RPA1: variants seen among roughly 807,000 people sequenced by gnomAD.
RPA1 encodes replication protein A1.
Under a neutral mutation model 83.0 loss-of-function variants are expected in RPA1, and 49 were observed. The observed-to-expected ratio is 0.59, with a 90% CI of 0.47 to 0.75. The LOEUF (loss-of-function observed/expected upper bound fraction) is 0.75, where lower values mean the gene tolerates loss of function less well. RPA1 is among the 30% of genes least tolerant of loss of function. RPA1 has a pLI of 0.00. For synonymous variants in RPA1, 279 were observed against 281.8 expected, an observed-to-expected ratio of 0.99 and a Z score of 0.10; for missense variants, 693 against 776.1, an observed-to-expected ratio of 0.89 and a Z score of 1.27.
intron 5 of RPA1, among the ~76,000 whole-genome samples, chr17:1,867,703 C>G (rs911716803): frequency 2.6e-5 from 4 of 151,222 alleles, no homozygotes; most frequent in Non-Finnish European, 4.4e-5. Flanking sequence ...AGATCAAGAC[C>G]CTGTCTCAAA....
At chr17:1,861,172 C>T (rs544097550) in intron 5 of RPA1, among the ~76,000 whole-genome samples, 14 of 152,322 alleles carry the variant, frequency 9.2e-5, no homozygotes, top group African/African-American at 3.4e-4. Flanking sequence ...CCCAGGAAAC[C>T]TGCCACCCAT....
rs774102699 is a variant in RPA1 at position 1,842,866 on chromosome 17, G to A, written c.84+13G>A. The A allele has an allele frequency of 6.2e-6, 10 of 1,612,724 alleles. No homozygotes were observed. Among genetic ancestry groups the A allele is most frequent in the South Asian group, 1.1e-5 (1 of 91,046 alleles). On this transcript the variant is annotated intron_variant, in intron 2 of 16. Coordinates refer to ENST00000254719, the MANE Select transcript of RPA1 (RefSeq NM_002945.5). Reference sequence around the variant, plus strand: ...CCTCCAAGTCATCGTAAGTACCTGCGTATGTTATGTTCCATGTCAACTTCT... The same window carrying A: ...CCTCCAAGTCATCGTAAGTACCTGCATATGTTATGTTCCATGTCAACTTCT...
chr17:1,849,362 G>T (rs1177006406), intron 4 of RPA1, among the ~76,000 whole-genome samples: 2 of 138,766 alleles, frequency 1.4e-5, no homozygotes, highest in African/African-American at 5.6e-5. Context: ...GTGCGATCTC[G>T]GCTCACTGCA....
intron 1 of RPA1, among the ~76,000 whole-genome samples, chr17:1,837,689 CT>C (rs1319993410): frequency 1.3e-5 from 2 of 152,134 alleles, no homozygotes; most frequent in Non-Finnish European, 2.9e-5. Context: ...CGTTGAGCAT[CT>C]TTTCGTGGGC....
chr17:1,877,428 G>C, intron 8 of RPA1, 114 bp downstream of exon 8: 1 of 842,700 alleles, frequency 1.2e-6, no homozygotes, highest in Non-Finnish European at 1.9e-6. Context: ...GCTCTGCGGA[G>C]GGCAGTGGGC....
At chr17:1,836,831 A>AG (rs1223045807) in intron 1 of RPA1, among the ~76,000 whole-genome samples, 1 of 63,108 alleles carries the variant, frequency 1.6e-5, no homozygotes, top group Non-Finnish European at 6.1e-5. Flanking sequence ...TTGGCTAATT[A>AG]AAAAAAAATT....
At chr17:1,845,378 A>T (rs1220818803) in intron 4 of RPA1, among the ~76,000 whole-genome samples, 2 of 151,372 alleles carry the variant, frequency 1.3e-5, no homozygotes, top group African/African-American at 4.9e-5. Context: ...ACAAAAAAAA[A>T]AAAGTTAAAT....
chr17:1,892,346 G>C (rs1914235964), intron 15 of RPA1, among the ~76,000 whole-genome samples: 1 of 151,942 alleles, frequency 6.6e-6, no homozygotes, highest in Non-Finnish European at 1.5e-5. Flanking sequence ...TTTTTAGTTT[G>C]TTTCTTTTTG....
At chr17:1,839,148 G>T (rs1428218127) in intron 1 of RPA1, among the ~76,000 whole-genome samples, 1 of 151,868 alleles carries the variant, frequency 6.6e-6, no homozygotes, top group Non-Finnish European at 1.5e-5. Context: ...GAGCCACTGC[G>T]CCCGGCCCCT....
intron 4 of RPA1, among the ~76,000 whole-genome samples, chr17:1,849,132 C>T (rs1271981919): frequency 6.6e-6 from 1 of 152,072 alleles, no homozygotes; most frequent in Non-Finnish European, 1.5e-5. Flanking sequence ...AGTTTACCTC[C>T]CTGCCAACAG....
chr17:1,852,568 G>A (rs901546284), intron 4 of RPA1, among the ~76,000 whole-genome samples: 6 of 152,222 alleles, frequency 3.9e-5, no homozygotes, highest in Non-Finnish European at 5.9e-5. Context: ...GCAGCGGCAC[G>A]GGAGGGGGGT....
At chr17:1,882,455 G>C (rs1200812103) in intron 12 of RPA1, among the ~76,000 whole-genome samples, 2 of 151,840 alleles carry the variant, frequency 1.3e-5, no homozygotes, top group Non-Finnish European at 2.9e-5. Flanking sequence ...AGGAGTTCAA[G>C]ACCAGCCTGG....
intron 5 of RPA1, among the ~76,000 whole-genome samples, chr17:1,854,626 C>T (rs925934990): frequency 6.6e-6 from 1 of 152,026 alleles, no homozygotes; most frequent in Non-Finnish European, 1.5e-5. Flanking sequence ...ATTACTTGAG[C>T]CTGGGAGGTT....
chr17:1,837,694 C>T (rs1398614263), intron 1 of RPA1, among the ~76,000 whole-genome samples: 1 of 152,152 alleles, frequency 6.6e-6, no homozygotes, highest in Non-Finnish European at 1.5e-5. Flanking sequence ...AGCATCTTTT[C>T]GTGGGCTTAC....
At chr17:1,886,252 T>C (rs1206765430) in intron 13 of RPA1, among the ~76,000 whole-genome samples, 1 of 152,250 alleles carries the variant, frequency 6.6e-6, no homozygotes, top group Non-Finnish European at 1.5e-5. Flanking sequence ...AAATATTCAA[T>C]AAACTACACT....
At chr17:1,855,349 G>A (rs1324724845) in intron 5 of RPA1, among the ~76,000 whole-genome samples, 2 of 148,664 alleles carry the variant, frequency 1.3e-5, no homozygotes, top group Admixed American at 6.6e-5. Flanking sequence ...GTGTGTGTGT[G>A]TGTGTGTGTG....
intron 1 of RPA1, among the ~76,000 whole-genome samples, chr17:1,836,649 T>A (rs1209968604): frequency 6.6e-6 from 1 of 151,758 alleles, no homozygotes; most frequent in Non-Finnish European, 1.5e-5. Context: ...TCCTTTTGTG[T>A]CTGGCTTCTT....
At chr17:1,888,996 C>T in intron 14 of RPA1, 145 bp downstream of exon 14, 1 of 808,388 alleles carries the variant, frequency 1.2e-6, no homozygotes, top group Non-Finnish European at 1.9e-6. Context: ...TATCCATCCG[C>T]TTTTTCATGC....
chr17:1,877,423 G>T (rs1339813932), intron 8 of RPA1, 109 bp downstream of exon 8: 3 of 918,984 alleles, frequency 3.3e-6, no homozygotes, highest in Non-Finnish European at 5.2e-6. Flanking sequence ...GCTCAGCTCT[G>T]CGGAGGGCAG....
Sources: gnomAD v4.1 joint callset for allele counts (sites outside exome capture counted in the v4.1 genomes callset) on GRCh38, gnomAD v4.1.1 for gene constraint, MANE v1.5 for transcripts, NCBI Gene and HGNC (gene_info 2026-07-23, HGNC 2026-07-21) for gene names.